Variants in ARHGAP35 observed in about 807,000 individuals in gnomAD.
ARHGAP35 encodes the protein rho GTPase-activating protein 35.
ARHGAP35 carries 15 observed loss-of-function variants against 111.1 expected under a neutral mutation model. The observed-to-expected ratio is 0.13, with a 90% CI of 0.09 to 0.21. ARHGAP35 has a LOEUF of 0.21. ARHGAP35 is among the 10% of genes least tolerant of loss of function. The pLI is 1.00. For synonymous variants in ARHGAP35, 643 were observed against 710.3 expected, an observed-to-expected ratio of 0.91 and a Z score of 1.51; for missense variants, 1,262 against 1,873.0, an observed-to-expected ratio of 0.67 and a Z score of 6.02.
intron 1 of ARHGAP35, among the ~76,000 whole-genome samples, chr19:46,866,692 CTG>C (rs1363084683): frequency 6.6e-6 from 1 of 152,200 alleles, no homozygotes; most frequent in Non-Finnish European, 1.5e-5. Context: ...AACCCAGAGT[CTG>C]TGTAGGGGGC....
intron 3 of ARHGAP35, chr19:46,948,877 G>C (rs1009583522): frequency 6.6e-6 from 1 of 152,214 alleles, no homozygotes; most frequent in Non-Finnish European, 1.5e-5. Flanking sequence ...AAATTATCGG[G>C]CCAGGCGCGG....
chr19:46,921,308 A>G lies in ARHGAP35; in HGVS notation c.2633A>G (p.Gln878Arg). Residue 878 changes from glutamine to arginine, a missense_variant, in exon 2 of 7, where the codon CAG becomes CGG. This residue lies in a region of ARHGAP35 where 579 missense variants were observed against 716.9 expected (regional missense o/e 0.81). Coordinates refer to ENST00000672722, the MANE Select transcript of ARHGAP35 (RefSeq NM_004491.5). This position sits in a 1 kb window ranked among gnomAD's most constrained non-coding sequence, Gnocchi z 4.3. ...AMLRAFLCEV[Q>R]DIIPIQLVAL... The stretch of plus-strand genomic sequence containing the variant: ...TTACGTGCCTTTCTTTGTGAAGTGC[A>G]GGATATTATCCCTATTCAGCTTGTA... 1 of 1,614,004 alleles carries G rather than the reference A, an allele frequency of 6.2e-7. No individual in the cohort carries two copies. The highest frequency in any genetic ancestry group is 8.5e-7 in the Non-Finnish European group (1 of 1,179,900).
intron 1 of ARHGAP35, among the ~76,000 whole-genome samples, chr19:46,885,512 T>C (rs192115963): frequency 6.6e-6 from 1 of 152,318 alleles, no homozygotes; most frequent in Non-Finnish European, 1.5e-5. Context: ...GTGTGCTCTC[T>C]CTTCTGCCCA....
chr19:46,925,123 A>G (rs542291926), intron 2 of ARHGAP35, among the ~76,000 whole-genome samples: 1 of 152,328 alleles, frequency 6.6e-6, no homozygotes, highest in East Asian at 1.9e-4. Flanking sequence ...TCAAATAAAA[A>G]TGATACTTCT....
intron 3 of ARHGAP35, among the ~76,000 whole-genome samples, chr19:46,978,686 G>GTTGTGTGTGTGGTGGGAT (rs139649951): frequency 1.2e-5 from 1 of 80,074 alleles, no homozygotes; most frequent in Non-Finnish European, 2.4e-5. Context: ...TGTGTGGTGG[G>GTTGTGTGTGTGGTGGGAT]ATGTGTGTGT....
intron 1 of ARHGAP35, among the ~76,000 whole-genome samples, chr19:46,892,364 A>C (rs1260018687): frequency 6.7e-6 from 1 of 149,654 alleles, no homozygotes; most frequent in Non-Finnish European, 1.5e-5. Flanking sequence ...AGTCCTAGCT[A>C]CTTGGGAGGT....
At chr19:46,899,931 A>C (rs1438926086) in intron 1 of ARHGAP35, among the ~76,000 whole-genome samples, 3 of 152,158 alleles carry the variant, frequency 2.0e-5, no homozygotes, top group African/African-American at 7.2e-5. Flanking sequence ...GGAGATAAAC[A>C]GTTCATTCAA....
In ARHGAP35 at chr19:46,987,988, G is replaced by A; in HGVS notation, c.3827-1G>A. On this transcript the variant is annotated splice_acceptor_variant, in intron 3 of 6. Transcript: ENST00000672722. LOFTEE classifies it high-confidence loss of function. ...CTAAGACCCTGCCTGTTTCTCCTCAGGACTGAGCACGGAAGGCATCTACCG... is the reference window on the plus strand; with the variant it reads ...CTAAGACCCTGCCTGTTTCTCCTCAAGACTGAGCACGGAAGGCATCTACCG... The A allele has an allele frequency of 6.2e-7, 1 of 1,613,762 alleles. No homozygotes were observed. The highest frequency in any genetic ancestry group is 8.5e-7 in the Non-Finnish European group (1 of 1,179,810).
chr19:46,989,760 G>A lies in ARHGAP35; in HGVS notation c.4036+85G>A, dbSNP rs1206588519. On this transcript the variant is annotated intron_variant, in intron 5 of 6. Transcript: ENST00000672722. This position sits in a 1 kb window ranked among gnomAD's most constrained non-coding sequence, Gnocchi z 5.3. ...AATAGGTCCTGCCCTCAGAATGGAT[G>A]CTGGCTGTTAGAGCTGAGGTTTGAA... 3 of 1,583,588 alleles carry A rather than the reference G, an allele frequency of 1.9e-6. No homozygotes were observed. Among genetic ancestry groups the A allele is most frequent in the Non-Finnish European group, 2.6e-6 (3 of 1,163,412 alleles).
rs141378672 is a variant in ARHGAP35 at position 46,887,216 on chromosome 19, G to A, written c.-189+26007G>A. 1.5e-3 allele frequency among the ~76,000 whole-genome samples: 231 copies of A among 152,152 alleles called. 1 individual carries two copies. Among genetic ancestry groups the A allele is most frequent in the African/African-American group, 5.4e-3 (224 of 41,506 alleles). Reference sequence around the variant, plus strand: ...GTTGGTGAAGATGGGGGGTGGGGGAGCATATATGGAAACTGATGAAAATGA... The same window carrying A: ...GTTGGTGAAGATGGGGGGTGGGGGAACATATATGGAAACTGATGAAAATGA... On this transcript the variant is annotated intron_variant, in intron 1 of 6. Coordinates refer to ENST00000672722, the MANE Select transcript of ARHGAP35 (RefSeq NM_004491.5).
At chr19:46,902,733 G>T (rs921271089) in intron 1 of ARHGAP35, among the ~76,000 whole-genome samples, 1 of 152,042 alleles carries the variant, frequency 6.6e-6, no homozygotes, top group African/African-American at 2.4e-5. Context: ...TATTTTAATC[G>T]CCACGGCCCC....
chr19:46,928,570 G>A (rs989823035), intron 2 of ARHGAP35, among the ~76,000 whole-genome samples: 1 of 151,944 alleles, frequency 6.6e-6, no homozygotes, highest in Non-Finnish European at 1.5e-5. Flanking sequence ...AGATCACACT[G>A]GCCACGAGTT....
chr19:46,998,910 G>A (rs1655065893), intron 5 of ARHGAP35, among the ~76,000 whole-genome samples: 2 of 152,250 alleles, frequency 1.3e-5, no homozygotes, highest in Non-Finnish European at 2.9e-5. Flanking sequence ...GTGGGTGGGT[G>A]GCAGCGGCCG....
At chr19:46,979,982 A>G (rs1443122635) in intron 3 of ARHGAP35, among the ~76,000 whole-genome samples, 1 of 152,126 alleles carries the variant, frequency 6.6e-6, no homozygotes, top group African/African-American at 2.4e-5. Context: ...GACTCGTGTG[A>G]TTTCAATAGT....
At chr19:46,895,165 C>CTT (rs942875389) in intron 1 of ARHGAP35, among the ~76,000 whole-genome samples, 16 of 136,618 alleles carry the variant, frequency 1.2e-4, no homozygotes, top group African/African-American at 2.4e-4. Context: ...AGGGCAAAAT[C>CTT]TTTTTTTTTT....
At chr19:46,971,075 C>T (rs1427042301) in intron 3 of ARHGAP35, among the ~76,000 whole-genome samples, 3 of 152,162 alleles carry the variant, frequency 2.0e-5, no homozygotes, top group Non-Finnish European at 4.4e-5. Context: ...GAACCTGGCT[C>T]CATTTCCAGT....
At chr19:46,907,513 C>A (rs539311514) in intron 1 of ARHGAP35, among the ~76,000 whole-genome samples, 1 of 140,300 alleles carries the variant, frequency 7.1e-6, no homozygotes, top group Non-Finnish European at 1.5e-5. Flanking sequence ...TTTTTTGAGA[C>A]GGAGTCTCGC....
At chr19:46,892,334 G>T (rs530481671) in intron 1 of ARHGAP35, among the ~76,000 whole-genome samples, 7 of 149,952 alleles carry the variant, frequency 4.7e-5, no homozygotes, top group Admixed American at 3.3e-4. Context: ...AAAAAGCCAG[G>T]TGTGCTGGCA....
chr19:46,923,313 A>C (rs1276528649), intron 2 of ARHGAP35, among the ~76,000 whole-genome samples: 1 of 151,838 alleles, frequency 6.6e-6, no homozygotes, highest in African/African-American at 2.4e-5. Context: ...ACGGGGTTTC[A>C]CCGTGTTAGC....
Sources: gnomAD v4.1 joint callset for allele counts (sites outside exome capture counted in the v4.1 genomes callset) on GRCh38, gnomAD v4.1.1 for gene constraint, gnomAD v4.1.1 regional missense constraint, Gnocchi (gnomAD v3.1) non-coding constraint, MANE v1.5 for transcripts, NCBI Gene and HGNC (gene_info 2026-07-23, HGNC 2026-07-21) for gene names.